Variants in ZBBX observed in about 807,000 individuals in gnomAD.
ZBBX encodes zinc finger B-box domain containing, also known as zinc finger B-box domain-containing protein 1.
A neutral mutation model predicts 108.5 loss-of-function variants in ZBBX; 101 were observed. The observed-to-expected ratio is 0.93, with a 90% confidence interval of 0.79 to 1.10. The LOEUF (loss-of-function observed/expected upper bound fraction) is 1.10. Ranked by LOEUF, ZBBX falls within the 50% of genes least tolerant of loss-of-function variation. The probability of loss-of-function intolerance (pLI) is 0.00; values close to 1 mark genes in which losing one functional copy is unlikely to be tolerated. For synonymous variants in ZBBX, 356 were observed against 323.4 expected, an observed-to-expected ratio of 1.10 and a Z score of -1.08; for missense variants, 1,009 against 941.4, an observed-to-expected ratio of 1.07 and a Z score of -0.94.
chr3:167,208,253 C>T, the ZBBX span, among the ~76,000 whole-genome samples: 1 of 152,190 alleles, frequency 6.6e-6, no homozygotes, highest in Non-Finnish European at 1.5e-5. Context: ...GACTGCAAAT[C>T]CTGGGCCAGT....
chr3:167,242,552 G>C lies in ZBBX; in HGVS notation c.2346C>G (p.Phe782Leu). 6.2e-7 allele frequency: 1 copy of C among 1,613,432 alleles called. No individual in the cohort carries two copies. Among genetic ancestry groups the C allele is most frequent in the Non-Finnish European group, 8.5e-7 (1 of 1,179,694 alleles). Residue 782 changes from phenylalanine to leucine, a missense_variant, in exon 21 of 22, where the codon TTC becomes TTG. Coordinates refer to ENST00000675490, the MANE Select transcript of ZBBX (RefSeq NM_001199201.2). ...GACCCCTCACATGTGAGGTCTTAAG[G>C]AAATCTGTGGAAATCTGACTTATAT... ...SLNISQISTD[F>L]LKTSHVRGPC...
chr3:167,219,897 T>C, the ZBBX span, among the ~76,000 whole-genome samples: 1 of 151,662 alleles, frequency 6.6e-6, no homozygotes, highest in Non-Finnish European at 1.5e-5. Context: ...ATAAATGAAA[T>C]CAGAAATGAA....
Position 167,358,248 on chromosome 3 carries a change from G to A in ZBBX, c.432+1622C>T, listed in dbSNP as rs376012068. On this transcript the variant is annotated intron_variant, in intron 8 of 21. Coordinates refer to ENST00000675490, the MANE Select transcript of ZBBX (RefSeq NM_001199201.2). ...ATTCCACAATATGAATAAGCCTTGAGGATACTATGCTAAGCGAAATAAGCC... is the reference window on the plus strand; with the variant it reads ...ATTCCACAATATGAATAAGCCTTGAAGATACTATGCTAAGCGAAATAAGCC... Among the ~76,000 whole-genome samples the A allele has an allele frequency of 4.8e-4, 73 of 151,900 alleles. No individual in the cohort carries two copies. In the East Asian group the frequency reaches 0.011, roughly 23 times the overall value.
intron 5 of ZBBX, among the ~76,000 whole-genome samples, chr3:167,366,340 CA>C (rs1247046144): frequency 1.3e-5 from 2 of 151,682 alleles, no homozygotes; most frequent in Non-Finnish European, 3.0e-5. Context: ...AGAAGAAAAG[CA>C]AGCAAACCAA....
chr3:167,376,404 T>C (rs974505843), intron 2 of ZBBX, among the ~76,000 whole-genome samples: 2 of 152,166 alleles, frequency 1.3e-5, no homozygotes, highest in African/African-American at 4.8e-5. Context: ...TTGCCTACAA[T>C]TGATAACTTT....
At chr3:167,200,450 T>C in the ZBBX span, among the ~76,000 whole-genome samples, 1 of 152,168 alleles carries the variant, frequency 6.6e-6, no homozygotes, top group Non-Finnish European at 1.5e-5. Flanking sequence ...TTTTGAAGAC[T>C]CTCAGGTTTT....
At chr3:167,291,497 G>A (rs1730686050) in intron 18 of ZBBX, among the ~76,000 whole-genome samples, 1 of 152,070 alleles carries the variant, frequency 6.6e-6, no homozygotes, top group Admixed American at 6.6e-5. Flanking sequence ...TTACAGACAA[G>A]CAAATGCTGA....
At chr3:167,320,652 T>A (rs879276434) in intron 12 of ZBBX, among the ~76,000 whole-genome samples, 4 of 151,998 alleles carry the variant, frequency 2.6e-5, no homozygotes, top group Non-Finnish European at 2.9e-5. Context: ...AAGTAGTGAT[T>A]TTACAGTGGA....
upstream of ZBBX, among the ~76,000 whole-genome samples, chr3:167,380,865 T>TGC (rs766549435): frequency 8.3e-5 from 6 of 72,354 alleles, no homozygotes; most frequent in African/African-American, 2.5e-4. Flanking sequence ...AGCAAATATA[T>TGC]GCACACACAC....
At chr3:167,323,270 G>A (rs1736800014) in intron 11 of ZBBX, among the ~76,000 whole-genome samples, 1 of 145,858 alleles carries the variant, frequency 6.9e-6, no homozygotes, top group Non-Finnish European at 1.5e-5. Context: ...TTTTGTTTTT[G>A]CTGTCTAGAT....
intron 20 of ZBBX, among the ~76,000 whole-genome samples, chr3:167,249,518 A>G (rs4955771): frequency 0.72 from 109,379 of 152,000 alleles, 39,562 homozygotes; most frequent in East Asian, 0.83. Flanking sequence ...TTTGCTCTAG[A>G]CAAACTCCAG....
At chr3:167,385,847 ATGG>A (rs1747907414) in intron 1 of ZBBX, among the ~76,000 whole-genome samples, 3 of 152,148 alleles carry the variant, frequency 2.0e-5, no homozygotes, top group Admixed American at 1.3e-4. Flanking sequence ...TGAAACTTAC[ATGG>A]TGCATAACTG....
At chr3:167,346,207 C>T (rs773183612) in intron 9 of ZBBX, among the ~76,000 whole-genome samples, 2 of 130,970 alleles carry the variant, frequency 1.5e-5, no homozygotes, top group Non-Finnish European at 3.3e-5. Flanking sequence ...AATTTTAATC[C>T]TTAATAATTG....
At chr3:167,400,881 C>T (rs1331950713) in intron 1 of ZBBX, among the ~76,000 whole-genome samples, 1 of 152,108 alleles carries the variant, frequency 6.6e-6, no homozygotes, top group Non-Finnish European at 1.5e-5. Context: ...TGATTAGCCT[C>T]TCCAAAGAAG....
intron 1 of ZBBX, among the ~76,000 whole-genome samples, chr3:167,390,969 C>G (rs148318945): frequency 0.036 from 5,475 of 151,964 alleles, 339 homozygotes; most frequent in African/African-American, 0.13. Context: ...TATTTGAATA[C>G]GTTTATTTCT....
chr3:167,240,121 C>A lies in ZBBX; in HGVS notation c.*672G>T, dbSNP rs61171166. 2.0e-3 allele frequency among the ~76,000 whole-genome samples: 310 copies of A among 152,188 alleles called. 2 individuals carry two copies. The highest frequency in any genetic ancestry group is 0.01 in the Middle Eastern group (3 of 294). On this transcript the variant is annotated 3_prime_UTR_variant, in exon 22 of 22. Coordinates refer to ENST00000675490, the MANE Select transcript of ZBBX (RefSeq NM_001199201.2). ...CCTGGAGATTATAGAAACTACAATTCAAGATGAGATCTGGGTGGGGACAGA... is the reference window on the plus strand; with the variant it reads ...CCTGGAGATTATAGAAACTACAATTAAAGATGAGATCTGGGTGGGGACAGA...
intron 1 of ZBBX, among the ~76,000 whole-genome samples, chr3:167,395,421 G>T (rs1028848929): frequency 3.3e-5 from 5 of 151,990 alleles, no homozygotes; most frequent in Non-Finnish European, 7.4e-5. Flanking sequence ...AGGCAGGAGT[G>T]CCAGAGTTAG....
upstream of ZBBX, among the ~76,000 whole-genome samples, chr3:167,383,138 G>A (rs1317603901): frequency 6.6e-6 from 1 of 151,950 alleles, no homozygotes; most frequent in Non-Finnish European, 1.5e-5. Flanking sequence ...GGAAGAAAAT[G>A]GGACAAATAT....
At chr3:167,372,981 G>A in intron 3 of ZBBX, 31 bp from the exon 4 acceptor site, 1 of 1,082,970 alleles carries the variant, frequency 9.2e-7, no homozygotes, top group Non-Finnish European at 1.3e-6. Context: ...AAAGAATTAT[G>A]GCAGAGGTGA....
Sources: gnomAD v4.1 joint callset for allele counts (sites outside exome capture counted in the v4.1 genomes callset) on GRCh38, gnomAD v4.1.1 for gene constraint, MANE v1.5 for transcripts, NCBI Gene and HGNC (gene_info 2026-07-23, HGNC 2026-07-21) for gene names.